Variants in SHE observed in about 807,000 individuals in gnomAD.
SHE encodes SH2 domain-containing adapter protein E.
Under a neutral mutation model 49.8 loss-of-function variants are expected in SHE, and 11 were observed. That is an observed-to-expected ratio of 0.22 (90% CI 0.14 to 0.37). SHE has a LOEUF of 0.37. Ranked by LOEUF, SHE falls within the 10% of genes least tolerant of loss-of-function variation. SHE has a pLI of 1.00. For missense variants in SHE, 624 were observed against 655.5 expected (o/e 0.95, Z 0.52); for synonymous variants, 310 against 278.1 (o/e 1.11, Z -1.14).
In SHE at chr1:154,501,813, C is replaced by T. The variant is rs746624372; in HGVS notation, c.214G>A (p.Gly72Ser). The T allele has an allele frequency of 4.3e-5, 67 of 1,551,556 alleles. No individual in the cohort carries two copies. The highest frequency in any genetic ancestry group is 5.3e-5 in the Non-Finnish European group (61 of 1,156,266). The change falls in exon 1 of 6, where the codon GGC becomes AGC. Residue 72 changes from glycine to serine, a missense_variant. Gly to Ser is a moderately conservative substitution (Grantham distance 56). Around this residue, in one of 4 missense-constraint regions of SHE, gnomAD observed 337 missense variants for 306.0 expected, o/e 1.10. Coordinates refer to ENST00000304760, the MANE Select transcript of SHE (RefSeq NM_001010846.3). ...GGKLRKNSEAGGAGPGPGKGR... is the reference protein window; with the variant it reads ...GGKLRKNSEASGAGPGPGKGR... ...TTGCCAGGACCCGGCCCAGCGCCGC[C>T]CGCCTCCGAGTTCTTGCGCAATTTG...
downstream of SHE, among the ~76,000 whole-genome samples, chr1:154,476,495 T>C (rs995313266): frequency 6.6e-6 from 1 of 151,886 alleles, no homozygotes; most frequent in African/African-American, 2.4e-5. Context: ...ATACAAAAAT[T>C]AGCCAGGTGT....
Position 154,498,319 on chromosome 1 carries a change from C to T in SHE, c.718+793G>A, listed in dbSNP as rs559422309. 5.4e-4 allele frequency among the ~76,000 whole-genome samples: 82 copies of T among 151,848 alleles called. No homozygotes were observed. The South Asian group carries it at 8.3e-3, about 15-fold the overall frequency. On this transcript the variant is annotated intron_variant, in intron 2 of 5. Transcript: ENST00000304760. Reference sequence around the variant, plus strand: ...CCATGTTGGTCAGGCTGGTCTTGAACTCCTGACCTCAGGTGATCCGCCCAC... The same window carrying T: ...CCATGTTGGTCAGGCTGGTCTTGAATTCCTGACCTCAGGTGATCCGCCCAC...
chr1:154,473,306 A>C (rs1241839866), intron 1 of SHE, among the ~76,000 whole-genome samples: 1 of 151,788 alleles, frequency 6.6e-6, no homozygotes, highest in Non-Finnish European at 1.5e-5. Flanking sequence ...AGCTCTACAA[A>C]ATAATTTTTA....
chr1:154,481,428 C>T lies in SHE; in HGVS notation c.*2721G>A, dbSNP rs1166727398. 2 of 985,280 alleles carry T rather than the reference C, an allele frequency of 2.0e-6. No individual in the cohort carries two copies. The highest frequency in any genetic ancestry group is 1.7e-5 in the African/African-American group (1 of 57,208). 61.0% of individuals were successfully genotyped at this position (985,280 alleles called of 1,614,324 possible). A position where few individuals can be genotyped will look rare whatever the true frequency, so the allele number is the denominator to read the frequency against. On this transcript the variant is annotated 3_prime_UTR_variant, in exon 6 of 6. Coordinates refer to ENST00000304760, the MANE Select transcript of SHE (RefSeq NM_001010846.3). ...CTATAAAGAATATAGTATGACTTGT[C>T]ACAGAGAAACAGTATAGAAGAAGCA...
intron 2 of SHE, 36 bp from the exon 3 acceptor site, chr1:154,489,392 C>A (rs1479447450): frequency 1.3e-6 from 2 of 1,591,498 alleles, no homozygotes; most frequent in Non-Finnish European, 1.7e-6. Context: ...AAACACACAC[C>A]ATACACAATG....
intron 1 of SHE, among the ~76,000 whole-genome samples, chr1:154,471,713 G>GTA (rs1444036772): frequency 6.6e-6 from 1 of 151,114 alleles, no homozygotes; most frequent in Admixed American, 6.6e-5. Context: ...CTCTGTGTGT[G>GTA]TGTGTAAGCA....
rs764390778 is a variant in SHE, at chr1:154,484,135, G to C, written c.*14C>G. On this transcript the variant is annotated 3_prime_UTR_variant, in exon 6 of 6. Coordinates refer to ENST00000304760, the MANE Select transcript of SHE (RefSeq NM_001010846.3). ...TGAAGGTGCCAGAGGCCCAGGGCTTGCAGTGGCTGAATCTTAGTGAAGCTT... is the reference window on the plus strand; with the variant it reads ...TGAAGGTGCCAGAGGCCCAGGGCTTCCAGTGGCTGAATCTTAGTGAAGCTT... 69 of 1,608,478 alleles carry C rather than the reference G, an allele frequency of 4.3e-5. No homozygotes were observed. The highest frequency in any genetic ancestry group is 3.7e-5 in the Non-Finnish European group (43 of 1,175,976).
At chr1:154,478,788 G>A (rs565181700), downstream of SHE, among the ~76,000 whole-genome samples, 35 of 152,262 alleles carry the variant, frequency 2.3e-4, no homozygotes, top group South Asian at 4.1e-3. Flanking sequence ...GGTGGGTGGC[G>A]GGAGCATTTC....
intron 4 of SHE, 141 bp from the exon 5 acceptor site, chr1:154,486,203 C>G (rs916395246): frequency 8.5e-7 from 1 of 1,182,808 alleles, no homozygotes; most frequent in South Asian, 1.4e-5. Context: ...GCTTCACATT[C>G]AGAACAGACA....
At chr1:154,474,160 C>T (rs545975529) in intron 1 of SHE, among the ~76,000 whole-genome samples, 87 of 152,316 alleles carry the variant, frequency 5.7e-4, no homozygotes, top group Non-Finnish European at 8.5e-4. Context: ...CCACTCACCC[C>T]GGGAGGAGAT....
chr1:154,487,723 G>A (rs1370721483), intron 3 of SHE, among the ~76,000 whole-genome samples: 3 of 151,584 alleles, frequency 2.0e-5, no homozygotes, highest in Non-Finnish European at 2.9e-5. Context: ...GGTGGTGCAC[G>A]CCTGTAGTCC....
intron 5 of SHE, chr1:154,484,637 C>T (rs540498464): frequency 1.5e-5 from 4 of 270,070 alleles, no homozygotes; most frequent in African/African-American, 4.4e-5. Context: ...CCAGTGCTTA[C>T]GCCCAAGCAC....
At chr1:154,491,361 A>AC (rs1021988372) in intron 2 of SHE, among the ~76,000 whole-genome samples, 42 of 152,166 alleles carry the variant, frequency 2.8e-4, no homozygotes, top group Non-Finnish European at 4.3e-4. Context: ...CTTTGCTCTG[A>AC]CCAAGTGGAA....
At position 154,499,165 on chromosome 1, in the gene SHE, A is replaced by ACT; in HGVS notation, c.663_664dup (p.Val222GlufsTer17). Reference sequence around the variant, plus strand: ...TTCCATGTAACCGTCGTTCTCTCCGACTCTCTCTGCATCCCTTTGACCCTT... The same window carrying ACT: ...TTCCATGTAACCGTCGTTCTCTCCGACTCTCTCTCTGCATCCCTTTGACCCTT... On this transcript the variant is annotated frameshift_variant, in exon 2 of 6. Coordinates refer to ENST00000304760, the MANE Select transcript of SHE (RefSeq NM_001010846.3). LOFTEE classifies it high-confidence loss of function. 6.2e-7 allele frequency: 1 copy of ACT among 1,613,980 alleles called. No homozygotes were observed. Among genetic ancestry groups the ACT allele is most frequent in the Non-Finnish European group, 8.5e-7 (1 of 1,179,986 alleles).
chr1:154,474,830 C>G (rs1021369852), downstream of SHE, among the ~76,000 whole-genome samples: 2 of 152,090 alleles, frequency 1.3e-5, no homozygotes, highest in South Asian at 2.1e-4. Flanking sequence ...GGTATGGAAG[C>G]CTTATTACAT....
At chr1:154,485,754 G>A (rs1487448434) in intron 5 of SHE, 189 bp downstream of exon 5, 1 of 547,176 alleles carries the variant, frequency 1.8e-6, no homozygotes, top group Non-Finnish European at 3.2e-6. Flanking sequence ...GATAATGGAG[G>A]CATTTACCCA....
In SHE at chr1:154,479,932, G is replaced by C; in HGVS notation, c.*4217C>G. On this transcript the variant is annotated 3_prime_UTR_variant, in exon 6 of 6. Coordinates refer to ENST00000304760, the MANE Select transcript of SHE (RefSeq NM_001010846.3). Reference sequence around the variant, plus strand: ...GTCATCATTTTCCCTTTTCTGGACTGTATCAGAAATCCTTCAGAAAGCCCT... The same window carrying C: ...GTCATCATTTTCCCTTTTCTGGACTCTATCAGAAATCCTTCAGAAAGCCCT... 1.0e-6 allele frequency: 1 copy of C among 985,416 alleles called. No homozygotes were observed. The highest frequency in any genetic ancestry group is 1.2e-6 in the Non-Finnish European group (1 of 829,922). 61.0% of individuals were successfully genotyped at this position (985,416 alleles called of 1,614,324 possible).
intron 3 of SHE, among the ~76,000 whole-genome samples, chr1:154,487,133 G>T (rs1203551684): frequency 1.3e-5 from 2 of 152,002 alleles, no homozygotes; most frequent in Admixed American, 6.6e-5. Context: ...GTAGCTGGGC[G>T]TCGTGGCTCG....
At position 154,501,506 on chromosome 1, in the gene SHE, G is replaced by A. The variant is rs1345880322; in HGVS notation, c.521C>T (p.Ser174Phe). The A allele has an allele frequency of 1.2e-6, 2 of 1,614,214 alleles. No individual in the cohort carries two copies. Among genetic ancestry groups the A allele is most frequent in the Non-Finnish European group, 1.7e-6 (2 of 1,180,030 alleles). ...CAGGGAGGAAGGGGAAGAGGACGCGGAGGAAGAGGAGCTGGAGCTGGAGCT... is the reference window on the plus strand; with the variant it reads ...CAGGGAGGAAGGGGAAGAGGACGCGAAGGAAGAGGAGCTGGAGCTGGAGCT... ...SSSSSSSSSS[S>F]ASSSPSSLGP... Residue 174 changes from serine (S) to phenylalanine (F), a missense_variant, in exon 1 of 6, where the codon TCC (serine) becomes TTC (phenylalanine). This residue lies in a region of SHE where 337 missense variants were observed against 306.0 expected (regional missense o/e 1.10). Coordinates refer to ENST00000304760, the MANE Select transcript of SHE (RefSeq NM_001010846.3).
Sources: allele counts gnomAD v4.1 joint callset (sites outside exome capture counted in the v4.1 genomes callset), GRCh38; gene constraint gnomAD v4.1.1; regional missense constraint gnomAD v4.1.1; transcripts MANE v1.5; gene names NCBI Gene and HGNC (gene_info 2026-07-23, HGNC 2026-07-21).